NEURL2: variants seen among roughly 807,000 people sequenced by gnomAD.
NEURL2 encodes neuralized-like protein 2.
Under a neutral mutation model 15.9 loss-of-function variants are expected in NEURL2, and 16 were observed. The observed-to-expected ratio is 1.01, with a 90% confidence interval of 0.68 to 1.53. NEURL2 has a LOEUF of 1.53. Among genes scored for constraint, NEURL2 ranks in the 40% most tolerant of loss-of-function variants. NEURL2 has a pLI of 0.00. For synonymous variants in NEURL2, 188 were observed against 178.3 expected (o/e 1.05, Z -0.43); for missense variants, 393 against 407.8 (o/e 0.96, Z 0.31).
Position 45,891,030 on chromosome 20 carries a change from AT to A in NEURL2, c.-40del. 6.9e-7 allele frequency: 1 copy of A among 1,452,630 alleles called. No homozygotes were observed. The allele number at this position is 1,452,630 out of a possible 1,614,324, so 90.0% of individuals were successfully genotyped here. ...GGCAGGCCAGCTGGCGCCGGGGGCTATTTTGGGCGGCGGGCAATGATGGTGA... is the reference window on the plus strand; with the variant it reads ...GGCAGGCCAGCTGGCGCCGGGGGCTATTTGGGCGGCGGGCAATGATGGTGA... On this transcript the variant is annotated 5_prime_UTR_variant, in exon 1 of 2. Transcript: ENST00000372518. The surrounding 1 kb of genome is among the most constrained non-coding windows in gnomAD (Gnocchi z 4.6).
chr20:45,891,189 G>A lies in NEURL2; in HGVS notation c.-198C>T. 1 of 1,055,224 alleles carries A rather than the reference G, an allele frequency of 9.5e-7. No homozygotes were observed. Among genetic ancestry groups the A allele is most frequent in the Non-Finnish European group, 1.4e-6 (1 of 709,710 alleles). The allele number at this position is 1,055,224 out of a possible 1,614,324, so 65.4% of individuals were successfully genotyped here. On this transcript the variant is annotated 5_prime_UTR_variant, in exon 1 of 2. Transcript: ENST00000372518. This position sits in a 1 kb window ranked among gnomAD's most constrained non-coding sequence, Gnocchi z 4.6. ...CCACAACAGGATCATCTGATCGCGTGCGCCCGGGCTACGATCTGCGAGGCC... is the reference window on the plus strand; with the variant it reads ...CCACAACAGGATCATCTGATCGCGTACGCCCGGGCTACGATCTGCGAGGCC...
intron 1 of NEURL2, 106 bp downstream of exon 1, chr20:45,890,144 T>C: frequency 7.8e-7 from 1 of 1,280,598 alleles, no homozygotes; most frequent in South Asian, 1.2e-5. Flanking sequence ...CTCCCACTCT[T>C]AAACTAGTGC....
Position 45,889,005 on chromosome 20 carries a change from C to T in NEURL2, c.743-132G>A, listed in dbSNP as rs1986600244. On this transcript the variant is annotated intron_variant, in intron 1 of 1. Transcript: ENST00000372518. Reference sequence around the variant, plus strand: ...AGTCCTTACTGCTCTCTGGGCCCAGCCTGCTTCATGGGGCTGAGAGAAGCA... The same window carrying T: ...AGTCCTTACTGCTCTCTGGGCCCAGTCTGCTTCATGGGGCTGAGAGAAGCA... 1.3e-5 allele frequency: 13 copies of T among 1,004,426 alleles called. No homozygotes were observed. In the East Asian group the frequency reaches 1.6e-4, roughly 12 times the overall value. The allele number at this position is 1,004,426 out of a possible 1,614,324, so 62.2% of individuals were successfully genotyped here.
rs746401969 is a variant in NEURL2 at position 45,890,327 on chromosome 20, G to T, written c.665C>A (p.Ala222Asp). ...CACCACCGCGTAGAGGGGCTGCGCA[G>T]CTGGCAGTCCCCGGGCGCTCGGGCC... ...DMGPSARGLP[A>D]AQPLYAVVDV... Residue 222 changes from alanine to aspartate, a missense_variant, in exon 1 of 2, where the codon GCT becomes GAT. Ala to Asp is a moderately radical substitution (Grantham distance 126). Transcript: ENST00000372518. 4 of 1,613,268 alleles carry T rather than the reference G, an allele frequency of 2.5e-6. No homozygotes were observed.
rs897507286 is a variant in NEURL2, at chr20:45,891,075, A to G, written c.-84T>C. ...ATGGTGACCGCAAGGCGACCTTGTA[A>G]GGCATTTCCCCCCTGACTCCCTTCC... On this transcript the variant is annotated 5_prime_UTR_variant, in exon 1 of 2. Coordinates refer to ENST00000372518, the MANE Select transcript of NEURL2 (RefSeq NM_080749.4). This position sits in a 1 kb window ranked among gnomAD's most constrained non-coding sequence, Gnocchi z 4.6. 1 of 1,357,244 alleles carries G rather than the reference A, an allele frequency of 7.4e-7. No homozygotes were observed. Among genetic ancestry groups the G allele is most frequent in the African/African-American group, 1.5e-5 (1 of 68,248 alleles). The allele number at this position is 1,357,244 out of a possible 1,614,324, so 84.1% of individuals were successfully genotyped here. A position where few individuals can be genotyped will look rare whatever the true frequency, so the allele number is the denominator to read the frequency against.
In NEURL2 at chr20:45,890,707, G is replaced by T. The variant is rs771151561; in HGVS notation, c.285C>A (p.Pro95=). Residue 95 remains proline (P), a synonymous_variant, in exon 1 of 2, where the codon CCC becomes CCA. Coordinates refer to ENST00000372518, the MANE Select transcript of NEURL2 (RefSeq NM_080749.4). ...LTALDPASLA[P]VPEFSLPDLV... ...GATCGGGCAGAGAAAACTCGGGAAC[G>T]GGGGCCAGACTGGCGGGGTCCAGCG... The T allele has an allele frequency of 1.2e-6, 2 of 1,613,732 alleles. No individual in the cohort carries two copies. Among genetic ancestry groups the T allele is most frequent in the Admixed American group, 3.3e-5 (2 of 60,022 alleles).
Position 45,890,673 on chromosome 20 carries a change from G to A in NEURL2, c.319C>T (p.Leu107=), listed in dbSNP as rs1198267274. 2 of 1,613,738 alleles carry A rather than the reference G, an allele frequency of 1.2e-6. No homozygotes were observed. Among genetic ancestry groups the A allele is most frequent in the Non-Finnish European group, 8.5e-7 (1 of 1,179,886 alleles). The change falls in exon 1 of 2, where the codon CTG becomes TTG. Residue 107 remains leucine, a synonymous_variant. Coordinates refer to ENST00000372518, the MANE Select transcript of NEURL2 (RefSeq NM_080749.4). Reference sequence around the variant, plus strand: ...ATGGCGAAGACCCAGGTGTGGCCCAGGTTGACCAGATCGGGCAGAGAAAAC... The same window carrying A: ...ATGGCGAAGACCCAGGTGTGGCCCAAGTTGACCAGATCGGGCAGAGAAAAC... The part of the protein sequence containing the change: ...PEFSLPDLVN[L]GHTWVFAITR...
chr20:45,890,551 C>T lies in NEURL2; in HGVS notation c.441G>A (p.Leu147=). 1.2e-6 allele frequency: 2 copies of T among 1,611,156 alleles called. No individual in the cohort carries two copies. The highest frequency in any genetic ancestry group is 2.7e-5 in the African/African-American group (2 of 74,994). The change falls in exon 1 of 2, where the codon CTG becomes CTA. Residue 147 remains leucine, a synonymous_variant. Transcript: ENST00000372518. The part of the protein sequence containing the change: ...RPPTLLVEPY[L]RIEQFRIPRD... ...GGGGAATGCGAAACTGCTCAATGCG[C>T]AGATATGGTTCCACGAGGAGGGTTG...
chr20:45,890,114 G>T, intron 1 of NEURL2, 136 bp downstream of exon 1: 2 of 913,084 alleles, frequency 2.2e-6, no homozygotes, highest in South Asian at 3.2e-5. Flanking sequence ...ACAAGCAGAG[G>T]TGCAATTTGA....
rs1338223832 is a variant in NEURL2, at chr20:45,888,768, T to C, written c.848A>G (p.Lys283Arg). The change falls in exon 2 of 2, where the codon AAG becomes AGG. Residue 283 changes from lysine to arginine, a missense_variant. By Grantham distance (26) the Lys-to-Arg change is conservative. Transcript: ENST00000372518. Reference sequence around the variant, plus strand: ...GTGCACTGTGGGTCTTCACTCATACTTGCAGAAATCCTTAAGTTCTTTGGG... The same window carrying C: ...GTGCACTGTGGGTCTTCACTCATACCTGCAGAAATCCTTAAGTTCTTTGGG... ...HLPKELKDFC[K>R]YE 6.2e-7 allele frequency: 1 copy of C among 1,613,984 alleles called. No homozygotes were observed. The highest frequency in any genetic ancestry group is 1.7e-5 in the Admixed American group (1 of 59,994).
At chr20:45,889,619 C>CTT (rs1555831040) in intron 1 of NEURL2, among the ~76,000 whole-genome samples, 16 of 150,534 alleles carry the variant, frequency 1.1e-4, no homozygotes, top group African/African-American at 2.9e-4. Context: ...CTCTCTCTCT[C>CTT]TCTTTCTTTT....
intron 1 of NEURL2, 109 bp downstream of exon 1, chr20:45,890,141 T>C (rs903848046): frequency 8.0e-7 from 1 of 1,246,238 alleles, no homozygotes; most frequent in Non-Finnish European, 1.2e-6. Flanking sequence ...ATTCTCCCAC[T>C]CTTAAACTAG....
In NEURL2 at chr20:45,890,616, C is replaced by A; in HGVS notation, c.376G>T (p.Gly126Cys). ...TRHHNRVPRE[G>C]RPEAEAAAPS... is the part of the protein sequence containing the mutation. ...GCCGCTGCCTCCGCCTCCGGGCGGC[C>A]CTCCCGGGGCACGCGGTTGTGGTGG... is the stretch of plus-strand genomic sequence containing the variant. Residue 126 changes from glycine to cysteine, a missense_variant, in exon 1 of 2, where the codon GGC (glycine) becomes TGC (cysteine). Coordinates refer to ENST00000372518, the MANE Select transcript of NEURL2 (RefSeq NM_080749.4). The A allele has an allele frequency of 6.2e-7, 1 of 1,612,888 alleles. No homozygotes were observed. The highest frequency in any genetic ancestry group is 8.5e-7 in the Non-Finnish European group (1 of 1,179,550).
In NEURL2 at chr20:45,890,942, T is replaced by TCGAGTCCCCAGAGTGCACC; in HGVS notation, c.31_49dup (p.Glu17GlyfsTer140). ...GCGGGTGGGAGGGGGCTCCGGGCGC[T>TCGAGTCCCCAGAGTGCACC]CGAGTCCCCAGAGTGCACCCGAATC... On this transcript the variant is annotated frameshift_variant, in exon 1 of 2. Transcript: ENST00000372518. LOFTEE classifies it high-confidence loss of function. 3 of 1,522,104 alleles carry TCGAGTCCCCAGAGTGCACC rather than the reference T, an allele frequency of 2.0e-6. No individual in the cohort carries two copies. In the South Asian group the frequency reaches 3.8e-5, roughly 19 times the overall value. 94.3% of individuals were successfully genotyped at this position (1,522,104 alleles called of 1,614,324 possible).
rs751226057 is a variant in NEURL2, at chr20:45,890,829, A to G, written c.163T>C (p.Phe55Leu). 2.5e-6 allele frequency: 4 copies of G among 1,571,636 alleles called. No individual in the cohort carries two copies. The Admixed American group carries it at 5.5e-5, about 21-fold the overall frequency. Residue 55 changes from phenylalanine to leucine, a missense_variant, in exon 1 of 2, where the codon TTC (phenylalanine) becomes CTC (leucine). Phe to Leu is a conservative substitution (Grantham distance 22). Coordinates refer to ENST00000372518, the MANE Select transcript of NEURL2 (RefSeq NM_080749.4). ...RVESFAHGVCFSREPLAPGQV... is the reference protein window; with the variant it reads ...RVESFAHGVCLSREPLAPGQV... The stretch of plus-strand genomic sequence containing the variant: ...CCCGGGGCCAGCGGCTCGCGGCTGA[A>G]GCACACGCCGTGGGCGAAGCTCTCC...
chr20:45,891,033 T>G lies in NEURL2; in HGVS notation c.-42A>C. 6.9e-7 allele frequency: 1 copy of G among 1,452,430 alleles called. No homozygotes were observed. Among genetic ancestry groups the G allele is most frequent in the Non-Finnish European group, 9.1e-7 (1 of 1,103,014 alleles). 90.0% of individuals were successfully genotyped at this position (1,452,430 alleles called of 1,614,324 possible). On this transcript the variant is annotated 5_prime_UTR_variant, in exon 1 of 2. Transcript: ENST00000372518. This position sits in a 1 kb window ranked among gnomAD's most constrained non-coding sequence, Gnocchi z 4.6. ...AGGCCAGCTGGCGCCGGGGGCTATT[T>G]TGGGCGGCGGGCAATGATGGTGACC...
rs904297210 is a variant in NEURL2 at position 45,890,818 on chromosome 20, C to T, written c.174G>A (p.Glu58=). 1 of 1,578,422 alleles carries T rather than the reference C, an allele frequency of 6.3e-7. No homozygotes were observed. The highest frequency in any genetic ancestry group is 1.4e-5 in the African/African-American group (1 of 73,982). ...GGAAGACCTGGCCCGGGGCCAGCGG[C>T]TCGCGGCTGAAGCACACGCCGTGGG... is the stretch of plus-strand genomic sequence containing the variant. ...SFAHGVCFSR[E]PLAPGQVFLV... The change falls in exon 1 of 2, where the codon GAG becomes GAA. Residue 58 remains glutamate (E), a synonymous_variant. Transcript: ENST00000372518.
chr20:45,889,577 AGCTT>A (rs556568251), intron 1 of NEURL2, among the ~76,000 whole-genome samples: 51 of 150,310 alleles, frequency 3.4e-4, no homozygotes, highest in African/African-American at 1.1e-3. Flanking sequence ...TGAGCTAGCT[AGCTT>A]GCTTGCTTGC....
intron 1 of NEURL2, among the ~76,000 whole-genome samples, chr20:45,889,340 G>A (rs1420291110): frequency 6.6e-6 from 1 of 151,090 alleles, no homozygotes; most frequent in Non-Finnish European, 1.5e-5. Flanking sequence ...CTATGAGCAT[G>A]TTTCTTTCTT....
Sources: gnomAD v4.1 joint callset for allele counts (sites outside exome capture counted in the v4.1 genomes callset) on GRCh38, gnomAD v4.1.1 for gene constraint, Gnocchi (gnomAD v3.1) non-coding constraint, MANE v1.5 for transcripts, NCBI Gene and HGNC (gene_info 2026-07-23, HGNC 2026-07-21) for gene names.